The following ANXA2 variants were observed in gnomAD, a reference collection of about 807,000 sequenced individuals.
ANXA2 encodes the protein annexin A2.
In ANXA2, 28 loss-of-function variants were observed where a neutral mutation model predicts 47.3. That is an observed-to-expected ratio of 0.59 (90% CI 0.44 to 0.81). The LOEUF (loss-of-function observed/expected upper bound fraction) is 0.81, where lower values mean the gene tolerates loss of function less well. Among genes scored for constraint, ANXA2 ranks in the 40% least tolerant of loss-of-function variants. ANXA2 has a pLI of 0.00. For synonymous variants in ANXA2, 172 were observed against 155.5 expected, an observed-to-expected ratio of 1.11 and a Z score of -0.79; for missense variants, 384 against 414.3, an observed-to-expected ratio of 0.93 and a Z score of 0.64.
chr15:60,353,347 CCCA>C (rs1315567315), intron 8 of ANXA2, among the ~76,000 whole-genome samples: 1 of 152,068 alleles, frequency 6.6e-6, no homozygotes, highest in Admixed American at 6.5e-5. Flanking sequence ...CCCTTTCTCC[CCCA>C]CCACAACAGA....
intron 4 of ANXA2, chr15:60,362,609 ATC>A (rs1239960714): frequency 6.6e-6 from 1 of 152,072 alleles, no homozygotes; most frequent in African/African-American, 2.4e-5. Flanking sequence ...TGCAGCACAA[ATC>A]TTCCTTATTT....
intron 2 of ANXA2, 23 bp from the exon 3 acceptor site, chr15:60,382,464 C>T (rs752287988): frequency 1.3e-6 from 2 of 1,502,788 alleles, no homozygotes; most frequent in Non-Finnish European, 1.8e-6. Context: ...GATAAACATA[C>T]TCAAATGACA....
Position 60,352,516 on chromosome 15 carries a change from C to A in ANXA2, c.589-40G>T. The A allele has an allele frequency of 2.2e-6, 3 of 1,386,162 alleles. No individual in the cohort carries two copies. Among genetic ancestry groups the A allele is most frequent in the Middle Eastern group, 1.8e-4 (1 of 5,552 alleles). 85.9% of individuals were successfully genotyped at this position (1,386,162 alleles called of 1,614,324 possible). ...AACCAGGAAAAGTTAACTACACATCCAATGTAACGTCAAAAAAAATGTCAT... is the reference window on the plus strand; with the variant it reads ...AACCAGGAAAAGTTAACTACACATCAAATGTAACGTCAAAAAAAATGTCAT... On this transcript the variant is annotated intron_variant, in intron 8 of 12. Coordinates refer to ENST00000451270, the MANE Select transcript of ANXA2 (RefSeq NM_004039.3). The surrounding 1 kb of genome is among the most constrained non-coding windows in gnomAD (Gnocchi z 4.2).
At chr15:60,351,573 T>A (rs1896013493) in intron 10 of ANXA2, 151 bp downstream of exon 10, 1 of 650,476 alleles carries the variant, frequency 1.5e-6, no homozygotes, top group Non-Finnish European at 2.8e-6. Flanking sequence ...CAGTTTTATA[T>A]TCTGAAATCT....
intron 12 of ANXA2, 142 bp downstream of exon 12, chr15:60,348,933 C>A (rs963074980): frequency 3.4e-6 from 3 of 890,326 alleles, no homozygotes; most frequent in Non-Finnish European, 5.1e-6. Flanking sequence ...AAATAAATCC[C>A]TGATAGTTGA....
chr15:60,389,401 C>A (rs2062977685), intron 1 of ANXA2, among the ~76,000 whole-genome samples: 1 of 152,186 alleles, frequency 6.6e-6, no homozygotes, highest in Non-Finnish European at 1.5e-5. Context: ...GTTGTTCTTT[C>A]AAGTTGTCTT....
At chr15:60,371,701 C>G (rs2062712498) in intron 3 of ANXA2, among the ~76,000 whole-genome samples, 1 of 152,114 alleles carries the variant, frequency 6.6e-6, no homozygotes, top group African/African-American at 2.4e-5. Context: ...ATGGGGAAGA[C>G]CACGACTTGA....
intron 5 of ANXA2, among the ~76,000 whole-genome samples, chr15:60,359,796 A>T (rs1186682709): frequency 6.6e-6 from 1 of 152,136 alleles, no homozygotes. Context: ...CGGAATAAAA[A>T]ATCAAGACCA....
At chr15:60,384,523 C>G (rs1267296918) in intron 2 of ANXA2, 1 of 152,128 alleles carries the variant, frequency 6.6e-6, no homozygotes, top group Non-Finnish European at 1.5e-5. Context: ...AAGAAATATA[C>G]TAGAGTAACT....
At chr15:60,381,765 G>T (rs1765398522) in intron 3 of ANXA2, among the ~76,000 whole-genome samples, 2 of 152,046 alleles carry the variant, frequency 1.3e-5, no homozygotes, top group Non-Finnish European at 2.9e-5. Context: ...GAGCAATGCA[G>T]TAAGATTTTC....
chr15:60,392,301 G>C (rs1269240659), intron 1 of ANXA2, among the ~76,000 whole-genome samples: 1 of 151,844 alleles, frequency 6.6e-6, no homozygotes, highest in Non-Finnish European at 1.5e-5. Context: ...TTAACATAAG[G>C]ACTATATTAT....
rs909930441 is a variant in ANXA2, at chr15:60,347,563, G to A, written c.*67C>T. On this transcript the variant is annotated 3_prime_UTR_variant, in exon 13 of 13. Coordinates refer to ENST00000451270, the MANE Select transcript of ANXA2 (RefSeq NM_004039.3). ...CACGGGGACTGTTATTCGCAAGCTG[G>A]TTTTCTAGACCTGTTAGCTGGAAGC... is the stretch of plus-strand genomic sequence containing the variant. The A allele has an allele frequency of 7.8e-6, 12 of 1,541,640 alleles. No homozygotes were observed. Among genetic ancestry groups the A allele is most frequent in the African/African-American group, 1.4e-5 (1 of 73,316 alleles).
chr15:60,366,250 C>G (rs2062598646), intron 3 of ANXA2, among the ~76,000 whole-genome samples: 1 of 151,412 alleles, frequency 6.6e-6, no homozygotes. Context: ...CAGATTGCAG[C>G]CTCTGCCCGG....
intron 2 of ANXA2, chr15:60,384,825 T>C (rs1361651554): frequency 6.6e-6 from 1 of 152,258 alleles, no homozygotes; most frequent in Non-Finnish European, 1.5e-5. Flanking sequence ...CAAGTCACTG[T>C]CAACCCTCTG....
chr15:60,375,571 G>C (rs1223518741), intron 3 of ANXA2, among the ~76,000 whole-genome samples: 1 of 152,176 alleles, frequency 6.6e-6, no homozygotes, highest in Non-Finnish European at 1.5e-5. Flanking sequence ...TACAGATTAA[G>C]TCTCAGCAAC....
chr15:60,394,939 G>T (rs180717780), intron 1 of ANXA2, among the ~76,000 whole-genome samples: 248 of 152,266 alleles, frequency 1.6e-3, no homozygotes, highest in African/African-American at 5.5e-3. Flanking sequence ...CTCTGGTGTG[G>T]CCTACAACTA....
Position 60,354,217 on chromosome 15 carries a change from T to A in ANXA2, c.529-4A>T. 6.2e-7 allele frequency: 1 copy of A among 1,605,014 alleles called. No individual in the cohort carries two copies. The highest frequency in any genetic ancestry group is 8.5e-7 in the Non-Finnish European group (1 of 1,176,674). ...AGCCATCCTCTGCTCTTCTACCCTA[T>A]GGGGGAAAGAAAAAGAACTTCAAAT... On this transcript the variant is annotated splice_region_variant and splice_polypyrimidine_tract_variant and intron_variant, in intron 7 of 12. Coordinates refer to ENST00000451270, the MANE Select transcript of ANXA2 (RefSeq NM_004039.3).
At chr15:60,381,916 AT>A (rs1471892808) in intron 3 of ANXA2, among the ~76,000 whole-genome samples, 3 of 151,746 alleles carry the variant, frequency 2.0e-5, no homozygotes, top group Non-Finnish European at 4.4e-5. Context: ...CTAGGACCAG[AT>A]CCGGCTCCCA....
Position 60,347,368 on chromosome 15 carries a change from T to C in ANXA2, c.*262A>G, listed in dbSNP as rs1895764618. 1 of 536,636 alleles carries C rather than the reference T, an allele frequency of 1.9e-6. No homozygotes were observed. Among genetic ancestry groups the C allele is most frequent in the Non-Finnish European group, 3.3e-6 (1 of 298,980 alleles). 33.2% of individuals were successfully genotyped at this position (536,636 alleles called of 1,614,324 possible). On this transcript the variant is annotated 3_prime_UTR_variant, in exon 13 of 13. Coordinates refer to ENST00000451270, the MANE Select transcript of ANXA2 (RefSeq NM_004039.3). Reference sequence around the variant, plus strand: ...CAAATTCAGTTTATTCATCTGTTTATGACACAGTACACAGGAGGCAAAGTG... The same window carrying C: ...CAAATTCAGTTTATTCATCTGTTTACGACACAGTACACAGGAGGCAAAGTG...
Sources: gnomAD v4.1 joint callset for allele counts (sites outside exome capture counted in the v4.1 genomes callset) on GRCh38, gnomAD v4.1.1 for gene constraint, Gnocchi (gnomAD v3.1) non-coding constraint, MANE v1.5 for transcripts, NCBI Gene and HGNC (gene_info 2026-07-23, HGNC 2026-07-21) for gene names.